Variants in PLA2G7 observed in about 807,000 individuals in gnomAD.
PLA2G7 encodes phospholipase A2 group VII, also known as platelet-activating factor acetylhydrolase.
In PLA2G7, 63 loss-of-function variants were observed where a neutral mutation model predicts 49.6. The observed-to-expected ratio is 1.27, with a 90% CI of 1.04 to 1.57. The LOEUF is 1.57. PLA2G7 is among the 40% of genes most tolerant of loss of function. The pLI is 0.00. For synonymous variants in PLA2G7, 193 were observed against 169.9 expected (o/e 1.14, Z -1.06); for missense variants, 596 against 521.2 (o/e 1.14, Z -1.40).
chr6:46,711,739 C>T (rs1765030813), intron 6 of PLA2G7, 120 bp from the exon 7 acceptor site: 13 of 999,174 alleles, frequency 1.3e-5, no homozygotes, highest in Non-Finnish European at 2.0e-5. Flanking sequence ...TTTCTTCTTC[C>T]ACTCTATATT....
chr6:46,720,990 T>C (rs1045575261), intron 2 of PLA2G7, among the ~76,000 whole-genome samples: 8 of 152,204 alleles, frequency 5.3e-5, no homozygotes, highest in African/African-American at 1.7e-4. Flanking sequence ...CCTATTATTT[T>C]AATCTTATTT....
intron 2 of PLA2G7, among the ~76,000 whole-genome samples, chr6:46,718,485 G>T (rs1277327751): frequency 6.6e-6 from 1 of 152,148 alleles, no homozygotes; most frequent in African/African-American, 2.4e-5. Context: ...CTCCACTGGA[G>T]GCCCATTGCC....
At chr6:46,726,110 G>A (rs45623935) in intron 1 of PLA2G7, among the ~76,000 whole-genome samples, 507 of 152,328 alleles carry the variant, frequency 3.3e-3, no homozygotes, top group African/African-American at 0.012. Flanking sequence ...TGTCTGTGCA[G>A]CATTCCTTTT....
At chr6:46,731,653 T>C (rs948210266) in intron 1 of PLA2G7, among the ~76,000 whole-genome samples, 2 of 152,168 alleles carry the variant, frequency 1.3e-5, no homozygotes, top group African/African-American at 4.8e-5. Context: ...CTGAAAATAA[T>C]ATAATAAGAC....
At chr6:46,719,918 T>G (rs1765340198) in intron 2 of PLA2G7, among the ~76,000 whole-genome samples, 1 of 152,060 alleles carries the variant, frequency 6.6e-6, no homozygotes, top group African/African-American at 2.4e-5. Flanking sequence ...CCCAGAAACT[T>G]TTTTTTTAAA....
At position 46,711,485 on chromosome 6, in the gene PLA2G7, C is replaced by G. The variant is rs373923895; in HGVS notation, c.663+11G>C. 6.2e-7 allele frequency: 1 copy of G among 1,613,318 alleles called. No individual in the cohort carries two copies. The highest frequency in any genetic ancestry group is 8.5e-7 in the Non-Finnish European group (1 of 1,179,432). On this transcript the variant is annotated intron_variant, in intron 7 of 11. Transcript: ENST00000274793. ...AGGTCACCAACCACCTCTCCTTTCA[C>G]TGCAATGTACCTGCTCATTTCGTAT... is the stretch of plus-strand genomic sequence containing the variant.
chr6:46,735,541 G>A (rs1212287089), upstream of PLA2G7: 1 of 152,450 alleles, frequency 6.6e-6, no homozygotes, highest in African/African-American at 2.4e-5. Flanking sequence ...CCAAGACCAT[G>A]GCCCGCACCT....
intron 1 of PLA2G7, among the ~76,000 whole-genome samples, chr6:46,726,790 C>A (rs1765587578): frequency 6.6e-6 from 1 of 151,898 alleles, no homozygotes. Context: ...TACAGGCACC[C>A]ACCATAATGC....
chr6:46,732,466 C>T (rs910520112), intron 1 of PLA2G7, among the ~76,000 whole-genome samples: 2 of 152,054 alleles, frequency 1.3e-5, no homozygotes, highest in African/African-American at 4.8e-5. Context: ...GTTCATCCCT[C>T]AATTCTAGAA....
chr6:46,728,877 T>G (rs1191563940), intron 1 of PLA2G7, among the ~76,000 whole-genome samples: 3 of 152,204 alleles, frequency 2.0e-5, no homozygotes, highest in Admixed American at 2.0e-4. Context: ...GTTTAGAAAT[T>G]TAGCTCCAGT....
At position 46,716,539 on chromosome 6, in the gene PLA2G7, A is replaced by C; in HGVS notation, c.232-11T>G. Reference sequence around the variant, plus strand: ...ACGCAAGAAGGTGCCCTGTTAAGAAAGAAATTAATGCACTTTTAGAGAAGT... The same window carrying C: ...ACGCAAGAAGGTGCCCTGTTAAGAACGAAATTAATGCACTTTTAGAGAAGT... On this transcript the variant is annotated splice_polypyrimidine_tract_variant and intron_variant, in intron 3 of 11. Coordinates refer to ENST00000274793, the MANE Select transcript of PLA2G7 (RefSeq NM_005084.4). 1.2e-6 allele frequency: 2 copies of C among 1,613,198 alleles called. No homozygotes were observed. Among genetic ancestry groups the C allele is most frequent in the Non-Finnish European group, 1.7e-6 (2 of 1,179,310 alleles).
intron 8 of PLA2G7, 117 bp from the exon 9 acceptor site, chr6:46,709,535 A>G (rs1582564895): frequency 1.4e-6 from 1 of 691,874 alleles, no homozygotes; most frequent in Non-Finnish European, 2.6e-6. Flanking sequence ...GATTTCTTAT[A>G]AAATAGAATA....
chr6:46,732,368 T>TACACACAC (rs59891486), intron 1 of PLA2G7, among the ~76,000 whole-genome samples: 51 of 140,958 alleles, frequency 3.6e-4, no homozygotes, highest in African/African-American at 1.3e-3. Flanking sequence ...AACACACACA[T>TACACACAC]ACACACACAC....
Position 46,710,576 on chromosome 6 carries a change from A to G in PLA2G7, c.746T>C (p.Leu249Ser), listed in dbSNP as rs563866335. The G allele has an allele frequency of 6.2e-7, 1 of 1,610,362 alleles. No homozygotes were observed. Among genetic ancestry groups the G allele is most frequent in the South Asian group, 1.1e-5 (1 of 91,002 alleles). Residue 249 changes from leucine (L) to serine (S), a missense_variant, in exon 8 of 12, where the codon TTA (leucine) becomes TCA (serine). Leu to Ser is a moderately radical substitution (Grantham distance 145). Coordinates refer to ENST00000274793, the MANE Select transcript of PLA2G7 (RefSeq NM_005084.4). ...TTGTTCCATATCAAACTTTAAATCT[A>G]ATGCATTCTTCACTGGCTTTCCATG... ...IDHGKPVKNA[L>S]DLKFDMEQLK... is the part of the protein sequence containing the mutation.
intron 1 of PLA2G7, among the ~76,000 whole-genome samples, chr6:46,728,474 T>C (rs763702967): frequency 6.6e-6 from 1 of 152,194 alleles, no homozygotes; most frequent in Non-Finnish European, 1.5e-5. Context: ...TATCCTTGTT[T>C]AATAAGGAAG....
chr6:46,731,720 A>C (rs1049118444), intron 1 of PLA2G7, among the ~76,000 whole-genome samples: 2 of 152,252 alleles, frequency 1.3e-5, no homozygotes, highest in Non-Finnish European at 2.9e-5. Flanking sequence ...AAGTAATACA[A>C]TATGAGCAAA....
Position 46,705,074 on chromosome 6 carries a change from A to G in PLA2G7, c.1189+79T>C, listed in dbSNP as rs145700065. On this transcript the variant is annotated intron_variant, in intron 11 of 11. Coordinates refer to ENST00000274793, the MANE Select transcript of PLA2G7 (RefSeq NM_005084.4). ...TAAACCAACTGGAAATAGTTTAAAT[A>G]GTACTAAAGCTGTATTAAGATAGAC... 2.8e-4 allele frequency: 279 copies of G among 1,006,710 alleles called. 2 individuals carry two copies. Among genetic ancestry groups the G allele is most frequent in the South Asian group, 2.6e-3 (193 of 75,080 alleles). 62.4% of individuals were successfully genotyped at this position (1,006,710 alleles called of 1,614,324 possible).
At chr6:46,713,411 T>A (rs1316561661) in intron 5 of PLA2G7, among the ~76,000 whole-genome samples, 3 of 152,186 alleles carry the variant, frequency 2.0e-5, no homozygotes, top group African/African-American at 7.2e-5. Context: ...TCTGCTGTTG[T>A]AGGACAAAAG....
chr6:46,720,492 G>T (rs1248152055), intron 2 of PLA2G7, among the ~76,000 whole-genome samples: 1 of 152,188 alleles, frequency 6.6e-6, no homozygotes, highest in African/African-American at 2.4e-5. Flanking sequence ...TTTGGTATAG[G>T]TCTATGGGGT....
Sources: allele counts gnomAD v4.1 joint callset (sites outside exome capture counted in the v4.1 genomes callset), GRCh38; gene constraint gnomAD v4.1.1; transcripts MANE v1.5; gene names NCBI Gene and HGNC (gene_info 2026-07-23, HGNC 2026-07-21).